Variants in SHROOM4 observed in about 807,000 individuals in gnomAD.
SHROOM4 encodes protein Shroom4.
Under a neutral mutation model 80.3 loss-of-function variants are expected in SHROOM4, and 17 were observed. The ratio of observed to expected loss-of-function variants is 0.21; its 90% CI spans 0.14 to 0.32. The LOEUF (loss-of-function observed/expected upper bound fraction) is 0.32. Ranked by LOEUF, SHROOM4 falls within the 10% of genes least tolerant of loss-of-function variation. The pLI, the probability that SHROOM4 is intolerant of heterozygous loss-of-function variation, is 1.00. For missense variants in SHROOM4, 993 were observed against 1,140.3 expected, an observed-to-expected ratio of 0.87 and a Z score of 1.86; for synonymous variants, 400 against 437.5, an observed-to-expected ratio of 0.91 and a Z score of 1.07.
downstream of SHROOM4, among the ~76,000 whole-genome samples, chrX:50,584,821 G>T (rs949568642): frequency 9.0e-6 from 1 of 110,878 alleles, no homozygotes; most frequent in Non-Finnish European, 1.9e-5. Context: ...GTTTAATTTT[G>T]GATACATTAA....
At chrX:50,671,841 G>A (rs924118147) in intron 2 of SHROOM4, among the ~76,000 whole-genome samples, 1 of 112,560 alleles carries the variant, frequency 8.9e-6, no homozygotes, top group Non-Finnish European at 1.9e-5. Flanking sequence ...TTGGCTGTTC[G>A]GTGCAAGAGG....
rs1450626991 is a variant in SHROOM4 at position 50,592,904 on chromosome X, T to A, written c.*3791A>T. Reference sequence around the variant, plus strand: ...ATTCTAAACATGGGGTTAGACTGGATGTGATGTTGCCACTGAGTAACCAGA... The same window carrying A: ...ATTCTAAACATGGGGTTAGACTGGAAGTGATGTTGCCACTGAGTAACCAGA... On this transcript the variant is annotated 3_prime_UTR_variant, in exon 9 of 9. Transcript: ENST00000376020. The A allele has an allele frequency of 8.9e-6, 1 of 112,151 alleles. No homozygotes were observed. Among genetic ancestry groups the A allele is most frequent in the Non-Finnish European group, 1.9e-5 (1 of 53,330 alleles). The allele number at this position is 112,151 out of a possible 1,213,427, so 9.2% of individuals were successfully genotyped here.
At chrX:50,811,778 G>A (rs781818539) in intron 1 of SHROOM4, among the ~76,000 whole-genome samples, 1 of 111,320 alleles carries the variant, frequency 9.0e-6, no homozygotes, top group Non-Finnish European at 1.9e-5. Context: ...TGGGAGGAAT[G>A]GGAGAAATAA....
intron 4 of SHROOM4, among the ~76,000 whole-genome samples, chrX:50,631,079 A>C (rs1419923597): frequency 3.6e-5 from 4 of 111,809 alleles, no homozygotes; most frequent in Non-Finnish European, 5.6e-5. Flanking sequence ...AAAAACAAAA[A>C]ACAGAAAAAG....
chrX:50,713,813 A>C (rs979785454), intron 1 of SHROOM4, among the ~76,000 whole-genome samples: 2 of 111,316 alleles, frequency 1.8e-5, no homozygotes, highest in Non-Finnish European at 3.8e-5. Context: ...GAAGCTTTTA[A>C]ATTTAGCATG....
chrX:50,790,142 T>C (rs1935825780), intron 1 of SHROOM4, among the ~76,000 whole-genome samples: 1 of 111,835 alleles, frequency 8.9e-6, no homozygotes, highest in Non-Finnish European at 1.9e-5. Context: ...GGTCTGTCAT[T>C]GATTGAAACA....
intron 2 of SHROOM4, among the ~76,000 whole-genome samples, chrX:50,691,535 T>A (rs1569547690): frequency 5.9e-5 from 1 of 16,948 alleles, no homozygotes. Flanking sequence ...TGGAATTAAT[T>A]GAATTGGGTG....
At chrX:50,811,851 T>G (rs961589530) in intron 1 of SHROOM4, among the ~76,000 whole-genome samples, 8 of 110,995 alleles carry the variant, frequency 7.2e-5, no homozygotes, top group Admixed American at 5.8e-4. Flanking sequence ...GGGTCAACTG[T>G]ACATTCAGTG....
intron 2 of SHROOM4, among the ~76,000 whole-genome samples, chrX:50,681,310 C>T (rs187134744): frequency 2.6e-3 from 289 of 111,447 alleles, no homozygotes; most frequent in African/African-American, 8.5e-3. Context: ...CATTTGTACA[C>T]ATTTGAACTT....
Position 50,591,623 on chromosome X carries a change from A to T in SHROOM4, c.*5072T>A, listed in dbSNP as rs1057163980. 2 of 290,661 alleles carry T rather than the reference A, an allele frequency of 6.9e-6. No individual in the cohort carries two copies. The highest frequency in any genetic ancestry group is 2.8e-5 in the African/African-American group (1 of 35,316). The allele number at this position is 290,661 out of a possible 1,213,427, so 24.0% of individuals were successfully genotyped here. ...AGTTTCGCACTTCTTTTGTTAAATTATTCCTAAGTACTTTTTTCTTTTTGA... is the reference window on the plus strand; with the variant it reads ...AGTTTCGCACTTCTTTTGTTAAATTTTTCCTAAGTACTTTTTTCTTTTTGA... On this transcript the variant is annotated 3_prime_UTR_variant, in exon 9 of 9. Transcript: ENST00000376020.
the SHROOM4 span, among the ~76,000 whole-genome samples, chrX:50,576,574 T>C: frequency 1.8e-5 from 2 of 111,898 alleles, no homozygotes; most frequent in Non-Finnish European, 3.8e-5. Flanking sequence ...AATGTAACTA[T>C]ATATGTCTGG....
intron 5 of SHROOM4, among the ~76,000 whole-genome samples, chrX:50,611,386 G>C (rs1286201697): frequency 9.2e-6 from 1 of 108,535 alleles, no homozygotes; most frequent in Non-Finnish European, 1.9e-5. Flanking sequence ...TCCTGACCTC[G>C]TGATCCGCCC....
chrX:50,764,378 G>C (rs1413432751), intron 1 of SHROOM4, among the ~76,000 whole-genome samples: 1 of 108,862 alleles, frequency 9.2e-6, no homozygotes, highest in Non-Finnish European at 1.9e-5. Flanking sequence ...GCTGAGAGTG[G>C]GGGGAAAAAG....
At chrX:50,709,988 C>T (rs1933769764) in intron 1 of SHROOM4, among the ~76,000 whole-genome samples, 1 of 111,898 alleles carries the variant, frequency 8.9e-6, no homozygotes, top group East Asian at 2.8e-4. Flanking sequence ...TAGAAGTCCT[C>T]CTGGTGATGC....
intron 2 of SHROOM4, among the ~76,000 whole-genome samples, chrX:50,648,557 G>T (rs1247552641): frequency 1.8e-5 from 2 of 112,243 alleles, no homozygotes; most frequent in African/African-American, 6.5e-5. Flanking sequence ...AGGATGGAAT[G>T]TCAGAAGTAT....
rs1359118756 is a variant in SHROOM4 at position 50,594,716 on chromosome X, T to C, written c.*1979A>G. The C allele has an allele frequency of 8.9e-6, 1 of 111,817 alleles. No individual in the cohort carries two copies. Among genetic ancestry groups the C allele is most frequent in the Admixed American group, 9.5e-5 (1 of 10,557 alleles). 9.2% of individuals were successfully genotyped at this position (111,817 alleles called of 1,213,427 possible). A position where few individuals can be genotyped will look rare whatever the true frequency, so the allele number is the denominator to read the frequency against. The stretch of plus-strand genomic sequence containing the variant: ...GAAAAGATGACAACTATGGCCTCCA[T>C]TGAAAGCACTCCCCTACCTTCTCAA... On this transcript the variant is annotated 3_prime_UTR_variant, in exon 9 of 9. Transcript: ENST00000376020.
chrX:50,693,318 G>A (rs1374075846), intron 2 of SHROOM4, among the ~76,000 whole-genome samples: 1 of 110,909 alleles, frequency 9.0e-6, no homozygotes, highest in Non-Finnish European at 1.9e-5. Context: ...TGTAATCCCA[G>A]CACTTTGGGA....
chrX:50,665,141 G>A (rs961738341), intron 2 of SHROOM4, among the ~76,000 whole-genome samples: 1 of 111,041 alleles, frequency 9.0e-6, no homozygotes, highest in African/African-American at 3.3e-5. Flanking sequence ...CAGAAAAGAG[G>A]ATGCCTTCAC....
chrX:50,737,488 G>A (rs1569548313), intron 1 of SHROOM4, among the ~76,000 whole-genome samples: 1 of 111,536 alleles, frequency 9.0e-6, no homozygotes. Flanking sequence ...AATACAAACA[G>A]ATTGGAAGTT....
Sources: gnomAD v4.1 joint callset for allele counts (sites outside exome capture counted in the v4.1 genomes callset) on GRCh38, gnomAD v4.1.1 for gene constraint, MANE v1.5 for transcripts, NCBI Gene and HGNC (gene_info 2026-07-23, HGNC 2026-07-21) for gene names.